SLC39A10: variants seen among roughly 807,000 people sequenced by gnomAD.
The protein encoded by SLC39A10 is solute carrier family 39 member 10.
Under a neutral mutation model 65.1 loss-of-function variants are expected in SLC39A10, and 13 were observed. That is an observed-to-expected ratio of 0.20 (90% CI 0.13 to 0.32). The LOEUF (loss-of-function observed/expected upper bound fraction) is 0.32. SLC39A10 is among the 10% of genes least tolerant of loss of function. The pLI is 1.00. For synonymous variants in SLC39A10, 321 were observed against 342.2 expected (o/e 0.94, Z 0.68); for missense variants, 831 against 1,018.4 (o/e 0.82, Z 2.50).
At chr2:195,624,694 G>GC (rs1688425982) in intron 2 of SLC39A10, among the ~76,000 whole-genome samples, 1 of 150,874 alleles carries the variant, frequency 6.6e-6, no homozygotes. Context: ...GGCCAACATG[G>GC]CGAAACCCCA....
intron 1 of SLC39A10, among the ~76,000 whole-genome samples, chr2:195,665,373 A>T (rs957144457): frequency 6.6e-6 from 1 of 152,202 alleles, no homozygotes; most frequent in Non-Finnish European, 1.5e-5. Context: ...AGTCCCAGCT[A>T]TGTAGGAGGA....
intron 2 of SLC39A10, among the ~76,000 whole-genome samples, chr2:195,640,507 CAG>C (rs1183134049): frequency 6.6e-6 from 1 of 151,612 alleles, no homozygotes; most frequent in Non-Finnish European, 1.5e-5. Flanking sequence ...TTTTTTTAAA[CAG>C]GGAGTAATGT....
chr2:195,697,542 C>A lies in SLC39A10; in HGVS notation c.1217-9074C>A, dbSNP rs1691012039. Reference sequence around the variant, plus strand: ...ACAGATTAGTCACCCAGGTATTAAGCCTAGTGCCCATTAGTTATTTTTCCT... The same window carrying A: ...ACAGATTAGTCACCCAGGTATTAAGACTAGTGCCCATTAGTTATTTTTCCT... On this transcript the variant is annotated intron_variant, in intron 3 of 9. Coordinates refer to ENST00000359634, the MANE Select transcript of SLC39A10 (RefSeq NM_020342.3). Among the ~76,000 whole-genome samples, 3 of 151,964 alleles carry A rather than the reference C, an allele frequency of 2.0e-5. No homozygotes were observed. In the South Asian group the frequency reaches 6.2e-4, roughly 32 times the overall value.
chr2:195,718,856 C>G (rs1177247184), intron 8 of SLC39A10, among the ~76,000 whole-genome samples: 1 of 152,002 alleles, frequency 6.6e-6, no homozygotes, highest in Non-Finnish European at 1.5e-5. Flanking sequence ...TACTAACCAG[C>G]ACTGAGGTTT....
intron 2 of SLC39A10, among the ~76,000 whole-genome samples, chr2:195,625,765 A>G (rs1688460679): frequency 1.3e-5 from 2 of 152,238 alleles, no homozygotes; most frequent in Non-Finnish European, 2.9e-5. Flanking sequence ...CCAGCAAAGC[A>G]GTGATACCAA....
At chr2:195,717,180 T>C (rs941167371) in intron 7 of SLC39A10, 175 bp downstream of exon 7, 156 of 728,798 alleles carry the variant, frequency 2.1e-4, no homozygotes, top group Non-Finnish European at 2.9e-4. Context: ...GGGTATAATT[T>C]AGTGGGGTTT....
chr2:195,730,543 A>G (rs1692400116), intron 9 of SLC39A10, among the ~76,000 whole-genome samples: 1 of 151,892 alleles, frequency 6.6e-6, no homozygotes, highest in Non-Finnish European at 1.5e-5. Context: ...CCTTTTCTCC[A>G]CCTTGCTGGC....
intron 2 of SLC39A10, among the ~76,000 whole-genome samples, chr2:195,616,229 A>G (rs1688203950): frequency 1.3e-5 from 2 of 152,216 alleles, no homozygotes; most frequent in African/African-American, 4.8e-5. Context: ...TGTTAGGATT[A>G]CAGGCGTGAG....
intron 1 of SLC39A10, among the ~76,000 whole-genome samples, chr2:195,668,235 T>C (rs758669502): frequency 1.4e-4 from 21 of 152,252 alleles, no homozygotes; most frequent in Non-Finnish European, 2.9e-4. Context: ...TTCAGTCATA[T>C]AGATACCAGC....
chr2:195,718,347 A>C lies in SLC39A10; in HGVS notation c.2146+15A>C, dbSNP rs1691896275. ...ACATGAATTAGGTAATATAACCTTA[A>C]AAATTTTACCAGATTTCATCAAATC... is the stretch of plus-strand genomic sequence containing the variant. On this transcript the variant is annotated intron_variant, in intron 8 of 9. Transcript: ENST00000359634. 1.3e-6 allele frequency: 2 copies of C among 1,573,272 alleles called. No individual in the cohort carries two copies. Among genetic ancestry groups the C allele is most frequent in the East Asian group, 4.5e-5 (2 of 44,578 alleles).
intron 8 of SLC39A10, among the ~76,000 whole-genome samples, chr2:195,722,348 G>T (rs1400270377): frequency 6.6e-6 from 1 of 152,218 alleles, no homozygotes. Flanking sequence ...ACAGTGTAAA[G>T]AAATGACCCA....
At position 195,622,131 on chromosome 2, in the gene SLC39A10, C is replaced by T. The variant is rs185585235; in HGVS notation, c.-12+15898C>T. 5.2e-4 allele frequency among the ~76,000 whole-genome samples: 79 copies of T among 152,076 alleles called. 1 individual carries two copies. Among genetic ancestry groups the T allele is most frequent in the Admixed American group, 4.6e-3 (70 of 15,272 alleles). On this transcript the variant is annotated intron_variant, in intron 2 of 2. Coordinates refer to the SLC39A10 transcript ENST00000458054. ...CTATAATCCCAGCATTTTGGGAGGC[C>T]GAGGTGGGTGGATTGCTTGAGCCCA...
chr2:195,617,974 C>T (rs112620756), intron 2 of SLC39A10, among the ~76,000 whole-genome samples: 16 of 150,516 alleles, frequency 1.1e-4, no homozygotes, highest in East Asian at 4.2e-4. Context: ...CTCCAGACCT[C>T]GTGATCCGCC....
At chr2:195,719,002 G>A (rs749428764) in intron 8 of SLC39A10, among the ~76,000 whole-genome samples, 2 of 151,372 alleles carry the variant, frequency 1.3e-5, no homozygotes, top group Non-Finnish European at 2.9e-5. Context: ...TGTGATTTTG[G>A]TCGAATGGAA....
intron 9 of SLC39A10, among the ~76,000 whole-genome samples, chr2:195,732,273 T>G (rs1451329590): frequency 1.3e-5 from 2 of 152,252 alleles, no homozygotes; most frequent in Non-Finnish European, 2.9e-5. Flanking sequence ...GGAAGACTTT[T>G]ATTGATTTAA....
chr2:195,685,162 CAAGAT>C (rs1236052452), intron 3 of SLC39A10, among the ~76,000 whole-genome samples: 4 of 151,828 alleles, frequency 2.6e-5, no homozygotes, highest in Non-Finnish European at 4.4e-5. Flanking sequence ...TTTTTAAAAA[CAAGAT>C]AAGGAAACTG....
chr2:195,685,655 T>G (rs1378472433), intron 3 of SLC39A10, among the ~76,000 whole-genome samples: 1 of 152,200 alleles, frequency 6.6e-6, no homozygotes, highest in Non-Finnish European at 1.5e-5. Flanking sequence ...TCAGATCAAG[T>G]ATTGGCCCTT....
At chr2:195,659,869 C>G (rs1204804943) in intron 1 of SLC39A10, among the ~76,000 whole-genome samples, 1 of 152,116 alleles carries the variant, frequency 6.6e-6, no homozygotes, top group Non-Finnish European at 1.5e-5. Flanking sequence ...CCACTCCCTC[C>G]TTGACTACCC....
chr2:195,683,579 C>G (rs1690413883), intron 2 of SLC39A10, 120 bp from the exon 3 acceptor site: 2 of 688,802 alleles, frequency 2.9e-6, no homozygotes, highest in African/African-American at 1.8e-5. Context: ...TAATAGATAT[C>G]TATGTATTAC....
Sources: gnomAD v4.1 joint callset for allele counts (sites outside exome capture counted in the v4.1 genomes callset) on GRCh38, gnomAD v4.1.1 for gene constraint, MANE v1.5 for transcripts, NCBI Gene and HGNC (gene_info 2026-07-23, HGNC 2026-07-21) for gene names.